TEAD1: variants seen among roughly 807,000 people sequenced by gnomAD.
TEAD1 encodes the protein transcriptional enhancer factor TEF-1.
TEAD1 carries 9 observed loss-of-function variants against 54.9 expected under a neutral mutation model. The ratio of observed to expected loss-of-function variants is 0.16; its 90% CI spans 0.10 to 0.29. The LOEUF (loss-of-function observed/expected upper bound fraction) is 0.29, where lower values mean the gene tolerates loss of function less well. TEAD1 is among the 10% of genes least tolerant of loss of function. The probability of loss-of-function intolerance (pLI) is 1.00; values close to 1 mark genes in which losing one functional copy is unlikely to be tolerated. For missense variants in TEAD1, 387 were observed against 535.9 expected (o/e 0.72, Z 2.74); for synonymous variants, 200 against 187.8 (o/e 1.07, Z -0.53).
chr11:12,906,830 G>GTGCA (rs1450938835), intron 10 of TEAD1, among the ~76,000 whole-genome samples: 5 of 152,094 alleles, frequency 3.3e-5, no homozygotes, highest in Non-Finnish European at 5.9e-5. Context: ...TGTATTTGAG[G>GTGCA]TGCATCCTTT....
chr11:12,875,208 G>A (rs532918628), intron 5 of TEAD1, among the ~76,000 whole-genome samples: 7 of 152,254 alleles, frequency 4.6e-5, no homozygotes, highest in Middle Eastern at 3.4e-3. Context: ...ACCTAGCTTC[G>A]CTTGTTTGGA....
intron 9 of TEAD1, among the ~76,000 whole-genome samples, chr11:12,898,934 A>G (rs921400483): frequency 1.3e-5 from 2 of 152,052 alleles, no homozygotes; most frequent in South Asian, 4.1e-4. Context: ...ACCCCCATTC[A>G]CCTTCTTGAC....
intron 2 of TEAD1, among the ~76,000 whole-genome samples, chr11:12,692,850 G>A (rs985784796): frequency 8.5e-5 from 13 of 152,176 alleles, no homozygotes; most frequent in African/African-American, 2.4e-4. Flanking sequence ...CCTGCCAGCC[G>A]GCCCCTGCAC....
rs1347768418 is a variant in TEAD1 at position 12,938,652 on chromosome 11, A to G, written c.*1430A>G. 1 of 152,238 alleles carries G rather than the reference A, an allele frequency of 6.6e-6. No homozygotes were observed. Among genetic ancestry groups the G allele is most frequent in the Non-Finnish European group, 1.5e-5 (1 of 68,042 alleles). 9.4% of individuals were successfully genotyped at this position (152,238 alleles called of 1,614,324 possible). A position where few individuals can be genotyped will look rare whatever the true frequency, so the allele number is the denominator to read the frequency against. On this transcript the variant is annotated 3_prime_UTR_variant, in exon 13 of 13. Transcript: ENST00000527636. ...CAGCTACCTATCTCTGACCTTTTCAAATAGGCTCATTTGGGAGATTCTTTT... is the reference window on the plus strand; with the variant it reads ...CAGCTACCTATCTCTGACCTTTTCAGATAGGCTCATTTGGGAGATTCTTTT...
At chr11:12,862,004 TTTAA>T (rs1353175039) in intron 3 of TEAD1, among the ~76,000 whole-genome samples, 12 of 140,886 alleles carry the variant, frequency 8.5e-5, no homozygotes, top group Non-Finnish European at 1.1e-4. Context: ...TTTTTTTTTT[TTTAA>T]AAAAAAGGAT....
intron 3 of TEAD1, among the ~76,000 whole-genome samples, chr11:12,772,623 A>AT: frequency 6.6e-6 from 1 of 152,110 alleles, no homozygotes; most frequent in East Asian, 1.9e-4. Flanking sequence ...TTTATTTGAA[A>AT]TTTTTGTTGA....
intron 2 of TEAD1, among the ~76,000 whole-genome samples, chr11:12,677,051 G>T (rs1463580254): frequency 1.3e-5 from 2 of 152,008 alleles, no homozygotes; most frequent in African/African-American, 2.4e-5. Flanking sequence ...TATGGGTAAA[G>T]AAAATTATAG....
At chr11:12,687,674 G>A (rs922666581) in intron 2 of TEAD1, among the ~76,000 whole-genome samples, 11 of 152,136 alleles carry the variant, frequency 7.2e-5, no homozygotes, top group Non-Finnish European at 1.3e-4. Context: ...CAATACTTGT[G>A]TTTTCTTGGT....
At chr11:12,819,615 AT>A (rs923123371) in intron 3 of TEAD1, among the ~76,000 whole-genome samples, 1 of 150,210 alleles carries the variant, frequency 6.7e-6, no homozygotes, top group South Asian at 2.1e-4. Flanking sequence ...AGCCCGGCTA[AT>A]TTTTTTTTGT....
At chr11:12,822,614 C>A (rs1226253326) in intron 3 of TEAD1, 2 of 152,404 alleles carry the variant, frequency 1.3e-5, no homozygotes, top group African/African-American at 4.8e-5. Context: ...AGGTCCAGTG[C>A]TTTTTCCAGG....
chr11:12,901,844 A>G (rs1017663071), intron 9 of TEAD1, 96 bp from the exon 10 acceptor site: 4 of 1,501,276 alleles, frequency 2.7e-6, no homozygotes, highest in Non-Finnish European at 3.7e-6. Flanking sequence ...TAATTCCAGA[A>G]TTTTGGTACT....
intron 9 of TEAD1, among the ~76,000 whole-genome samples, chr11:12,889,070 A>G (rs1011322600): frequency 1.3e-5 from 2 of 152,230 alleles, no homozygotes; most frequent in Non-Finnish European, 2.9e-5. Context: ...ACTGGAAGCT[A>G]AGAGAAAAAC....
Position 12,682,253 on chromosome 11 carries a change from T to C in TEAD1, c.-55+6692T>C, listed in dbSNP as rs764520255. ...ATGGAATTCACTAAGATGTTCTTCA[T>C]TGGTTTTAAAGATAAGCCTGCACAA... is the stretch of plus-strand genomic sequence containing the variant. On this transcript the variant is annotated intron_variant, in intron 2 of 12. Transcript: ENST00000527636. Among the ~76,000 whole-genome samples, 4 of 152,354 alleles carry C rather than the reference T, an allele frequency of 2.6e-5. No individual in the cohort carries two copies. In the East Asian group the frequency reaches 5.8e-4, roughly 22 times the overall value.
intron 3 of TEAD1, among the ~76,000 whole-genome samples, chr11:12,809,998 T>TG (rs1554936415): frequency 1.0e-4 from 12 of 117,386 alleles, no homozygotes; most frequent in African/African-American, 3.7e-4. Context: ...TTTTTTTTTT[T>TG]GAGATGGAGC....
At chr11:12,935,268 C>G (rs1035853435) in intron 12 of TEAD1, among the ~76,000 whole-genome samples, 4 of 152,090 alleles carry the variant, frequency 2.6e-5, no homozygotes, top group African/African-American at 9.7e-5. Flanking sequence ...GGTGAATATG[C>G]AACCATGACC....
chr11:12,909,398 A>G (rs61176337), intron 10 of TEAD1, among the ~76,000 whole-genome samples: 6,373 of 152,256 alleles, frequency 0.042, 187 homozygotes, highest in East Asian at 0.13. Context: ...GCTGGAAGCC[A>G]TCATCGTTAG....
intron 2 of TEAD1, among the ~76,000 whole-genome samples, chr11:12,707,239 T>C (rs1943837314): frequency 6.6e-6 from 1 of 152,150 alleles, no homozygotes; most frequent in Admixed American, 6.5e-5. Flanking sequence ...TGATGTCTTC[T>C]TTTAAAAACA....
chr11:12,809,723 G>A (rs1185135662), intron 3 of TEAD1, among the ~76,000 whole-genome samples: 1 of 152,150 alleles, frequency 6.6e-6, no homozygotes, highest in Non-Finnish European at 1.5e-5. Flanking sequence ...CTTCACCACT[G>A]GGGGCTGGCT....
chr11:12,733,728 G>T (rs1028528901), intron 2 of TEAD1, among the ~76,000 whole-genome samples: 2 of 152,214 alleles, frequency 1.3e-5, no homozygotes, highest in Non-Finnish European at 2.9e-5. Context: ...ACACTTGTTT[G>T]TGTGAATGTA....
Sources: allele counts gnomAD v4.1 joint callset (sites outside exome capture counted in the v4.1 genomes callset), GRCh38; gene constraint gnomAD v4.1.1; transcripts MANE v1.5; gene names NCBI Gene and HGNC (gene_info 2026-07-23, HGNC 2026-07-21).